Variants in ASB6 observed in about 807,000 individuals in gnomAD.
ASB6 encodes ankyrin repeat and SOCS box containing 6, also known as ankyrin repeat and SOCS box protein 6.
ASB6 carries 24 observed loss-of-function variants against 28.6 expected under a neutral mutation model. The ratio of observed to expected loss-of-function variants is 0.84; its 90% CI spans 0.61 to 1.18. The LOEUF (loss-of-function observed/expected upper bound fraction) is 1.18, where lower values mean the gene tolerates loss of function less well. ASB6 is among the 50% of genes most tolerant of loss of function. The probability of loss-of-function intolerance (pLI) is 0.00; values close to 1 mark genes in which losing one functional copy is unlikely to be tolerated. For synonymous variants in ASB6, 267 were observed against 243.4 expected (o/e 1.10, Z -0.90); for missense variants, 519 against 559.8 (o/e 0.93, Z 0.74).
intron 1 of ASB6, among the ~76,000 whole-genome samples, chr9:129,641,479 C>G (rs1431886329): frequency 6.6e-5 from 10 of 152,232 alleles, no homozygotes. Flanking sequence ...TCCTGCAGGT[C>G]CACGACAGAC....
At position 129,640,621 on chromosome 9, in the gene ASB6, G is replaced by A. The variant is rs1369611812; in HGVS notation, c.215C>T (p.Ala72Val). ...SPFYQEGVSN[A>V]LLKMAELGLT... ...CCCCAGCTCAGCCATCTTGAGCAGG[G>A]CGTTGCTCACGCCTTCCTGGTAAAA... Residue 72 changes from alanine (A) to valine (V), a missense_variant, in exon 2 of 6, where the codon GCC (alanine) becomes GTC (valine). By Grantham distance (64) the Ala-to-Val change is moderately conservative. Coordinates refer to ENST00000277458, the MANE Select transcript of ASB6 (RefSeq NM_017873.4). 1 of 1,613,926 alleles carries A rather than the reference G, an allele frequency of 6.2e-7. No homozygotes were observed. The highest frequency in any genetic ancestry group is 8.5e-7 in the Non-Finnish European group (1 of 1,180,010).
chr9:129,638,727 G>C, intron 4 of ASB6, 68 bp from the exon 5 acceptor site: 7 of 1,303,994 alleles, frequency 5.4e-6, no homozygotes, highest in Non-Finnish European at 6.5e-6. Flanking sequence ...ACCCAGAGGA[G>C]GTGGCAGAAA....
Position 129,634,791 on chromosome 9 carries a change from G to A in ASB6, c.*2999C>T, listed in dbSNP as rs1831424912. The A allele has an allele frequency of 3.9e-6, 1 of 256,052 alleles. No homozygotes were observed. The highest frequency in any genetic ancestry group is 7.6e-6 in the Non-Finnish European group (1 of 130,994). 15.9% of individuals were successfully genotyped at this position (256,052 alleles called of 1,614,324 possible). On this transcript the variant is annotated 3_prime_UTR_variant, in exon 6 of 6. Coordinates refer to ENST00000277458, the MANE Select transcript of ASB6 (RefSeq NM_017873.4). ...CACAGGCCTGCTGTGGACACTCTAG[G>A]TCTGGCCTTGTATTTTGTGGTCTCA...
At position 129,639,473 on chromosome 9, in the gene ASB6, C is replaced by T. The variant is rs138385332; in HGVS notation, c.331G>A (p.Val111Ile). 662 of 1,613,816 alleles carry T rather than the reference C, an allele frequency of 4.1e-4. 5 individuals are homozygous for T. Among genetic ancestry groups the T allele is most frequent in the South Asian group, 2.3e-3 (205 of 91,048 alleles). ...VTYYTALHIA[V>I]LRNQPDMVEL... ...ACCATGTCCGGCTGGTTCCGCAGGA[C>T]GGCGATGTGCAAGGCCGTGTAGTAG... is the stretch of plus-strand genomic sequence containing the variant. Residue 111 changes from valine (V) to isoleucine (I), a missense_variant, in exon 3 of 6, where the codon GTC (valine) becomes ATC (isoleucine). Transcript: ENST00000277458.
intron 1 of ASB6, 73 bp from the exon 2 acceptor site, chr9:129,640,795 G>A: frequency 1.3e-6 from 2 of 1,551,980 alleles, no homozygotes; most frequent in Non-Finnish European, 8.8e-7. Context: ...GGGTTGGTGG[G>A]CTTTAGTCCT....
Position 129,640,429 on chromosome 9 carries a change from G to T in ASB6, c.295+112C>A, listed in dbSNP as rs555349056. ...AGTTGCAGCCACCCAGGAAATAAAGGGGGGGAAGTCACTCCTCAGAGGATG... is the reference window on the plus strand; with the variant it reads ...AGTTGCAGCCACCCAGGAAATAAAGTGGGGGAAGTCACTCCTCAGAGGATG... On this transcript the variant is annotated intron_variant, in intron 2 of 5. Transcript: ENST00000277458. The T allele has an allele frequency of 4.7e-4, 654 of 1,391,992 alleles. 4 individuals are homozygous for T. In the South Asian group the frequency reaches 4.8e-3, roughly 10 times the overall value. The allele number at this position is 1,391,992 out of a possible 1,614,324, so 86.2% of individuals were successfully genotyped here.
chr9:129,635,329 G>C lies in ASB6; in HGVS notation c.*2461C>G, dbSNP rs777652117. The C allele has an allele frequency of 8.1e-6, 13 of 1,613,834 alleles. No individual in the cohort carries two copies. The highest frequency in any genetic ancestry group is 2.2e-5 in the East Asian group (1 of 44,872). Reference sequence around the variant, plus strand: ...AGGAGGGCGTGATTCTGGACGACGTGGACAGCAGCGTGTGCCGGGACCTTG... The same window carrying C: ...AGGAGGGCGTGATTCTGGACGACGTCGACAGCAGCGTGTGCCGGGACCTTG... On this transcript the variant is annotated 3_prime_UTR_variant, in exon 6 of 6. Transcript: ENST00000277458.
chr9:129,635,493 C>A lies in ASB6; in HGVS notation c.*2297G>T. On this transcript the variant is annotated 3_prime_UTR_variant, in exon 6 of 6. Transcript: ENST00000277458. ...GGGGCTGGCAGGAGAAACTGAGGAACCACAGTCCTGGTGGGGGGAGCTGGC... is the reference window on the plus strand; with the variant it reads ...GGGGCTGGCAGGAGAAACTGAGGAAACACAGTCCTGGTGGGGGGAGCTGGC... 6.3e-7 allele frequency: 1 copy of A among 1,594,092 alleles called. No homozygotes were observed. Among genetic ancestry groups the A allele is most frequent in the Non-Finnish European group, 8.6e-7 (1 of 1,167,842 alleles).
rs865843511 is a variant in ASB6 at position 129,638,404 on chromosome 9, T to C, written c.652A>G (p.Ile218Val). The change falls in exon 6 of 6, where the codon ATC becomes GTC. Residue 218 changes from isoleucine (I) to valine (V), a missense_variant. Physicochemically the swap from Ile to Val is conservative, Grantham distance 29 (BLOSUM62 3). Transcript: ENST00000277458. ...KDGDTVFTCI[I>V]FLLGETVGGD... ...CCCACGGTCTCACCAAGCAGGAAGA[T>C]GATGCAGGTGAACACTGTGTCCCCA... 1 of 1,613,750 alleles carries C rather than the reference T, an allele frequency of 6.2e-7. No individual in the cohort carries two copies. The highest frequency in any genetic ancestry group is 8.5e-7 in the Non-Finnish European group (1 of 1,179,934).
chr9:129,639,583 C>T lies in ASB6; in HGVS notation c.296-75G>A, dbSNP rs1831643872. On this transcript the variant is annotated intron_variant, in intron 2 of 5. Coordinates refer to ENST00000277458, the MANE Select transcript of ASB6 (RefSeq NM_017873.4). ...TGGGGCCCCCGGACCCAGAGCCCAG[C>T]CCCAAACTCCCACCTAAAGTGTCCA... 3 of 1,295,442 alleles carry T rather than the reference C, an allele frequency of 2.3e-6. No homozygotes were observed. The Admixed American group carries it at 6.2e-5, about 27-fold the overall frequency. 80.2% of individuals were successfully genotyped at this position (1,295,442 alleles called of 1,614,324 possible). A position where few individuals can be genotyped will look rare whatever the true frequency, so the allele number is the denominator to read the frequency against.
At position 129,637,311 on chromosome 9, in the gene ASB6, C is replaced by T. The variant is rs540091842; in HGVS notation, c.*479G>A. ...TAGTGTCTTCTCCCGCAGAGCCCAC[C>T]AGAAACACTTCTGTGAGTAACAGAA... On this transcript the variant is annotated 3_prime_UTR_variant, in exon 6 of 6. Transcript: ENST00000277458. 6.5e-6 allele frequency: 1 copy of T among 153,032 alleles called. No individual in the cohort carries two copies. Among genetic ancestry groups the T allele is most frequent in the East Asian group, 1.9e-4 (1 of 5,198 alleles). The allele number at this position is 153,032 out of a possible 1,614,324, so 9.5% of individuals were successfully genotyped here. A position where few individuals can be genotyped will look rare whatever the true frequency, so the allele number is the denominator to read the frequency against.
rs149176062 is a variant in ASB6, at chr9:129,638,411, G to A, written c.645C>T (p.Thr215=). Residue 215 remains threonine (T), a synonymous_variant, in exon 6 of 6, where the codon ACC becomes ACT. Coordinates refer to ENST00000277458, the MANE Select transcript of ASB6 (RefSeq NM_017873.4). The part of the protein sequence containing the change: ...ATTKDGDTVF[T]CIIFLLGETV... Reference sequence around the variant, plus strand: ...TCTCACCAAGCAGGAAGATGATGCAGGTGAACACTGTGTCCCCATCTTTGG... The same window carrying A: ...TCTCACCAAGCAGGAAGATGATGCAAGTGAACACTGTGTCCCCATCTTTGG... 3.4e-4 allele frequency: 556 copies of A among 1,613,586 alleles called. 2 individuals are homozygous for A. The African/African-American group carries it at 6.4e-3, about 19-fold the overall frequency.
chr9:129,637,881 A>C lies in ASB6; in HGVS notation c.1175T>G (p.Val392Gly). The stretch of plus-strand genomic sequence containing the variant: ...AGGCAGGGCTTTGACCTTCACATCC[A>C]CAGGCCACGGCTGAAGGTAGAGCCG... ...AIRLYLQPWPVDVKVKALPLP... is the reference protein window; with the variant it reads ...AIRLYLQPWPGDVKVKALPLP... Residue 392 changes from valine (V) to glycine (G), a missense_variant, in exon 6 of 6, where the codon GTG (valine) becomes GGG (glycine). By Grantham distance (109) the Val-to-Gly change is moderately radical. Transcript: ENST00000277458. 6.4e-7 allele frequency: 1 copy of C among 1,558,150 alleles called. No homozygotes were observed. The highest frequency in any genetic ancestry group is 8.7e-7 in the Non-Finnish European group (1 of 1,152,150).
chr9:129,637,590 C>A lies in ASB6; in HGVS notation c.*200G>T. The A allele has an allele frequency of 2.3e-6, 1 of 441,160 alleles. No homozygotes were observed. The highest frequency in any genetic ancestry group is 3.9e-6 in the Non-Finnish European group (1 of 258,772). The allele number at this position is 441,160 out of a possible 1,614,324, so 27.3% of individuals were successfully genotyped here. A position where few individuals can be genotyped will look rare whatever the true frequency, so the allele number is the denominator to read the frequency against. On this transcript the variant is annotated 3_prime_UTR_variant, in exon 6 of 6. Coordinates refer to ENST00000277458, the MANE Select transcript of ASB6 (RefSeq NM_017873.4). Reference sequence around the variant, plus strand: ...TGGAGTGCCGCTGGAGGGAAGGGGGCAGTCTCTCTGGAAGAACCAGAGCTG... The same window carrying A: ...TGGAGTGCCGCTGGAGGGAAGGGGGAAGTCTCTCTGGAAGAACCAGAGCTG...
chr9:129,640,975 G>C (rs1458425915), intron 1 of ASB6: 1 of 456,944 alleles, frequency 2.2e-6, no homozygotes, highest in South Asian at 2.6e-5. Context: ...CCCAGAGTCC[G>C]GTCGCAGACT....
In ASB6 at chr9:129,640,572, G is replaced by A. The variant is rs767041966; in HGVS notation, c.264C>T (p.Leu88=). ...ELGLTRAADV[L]LRHGANLNFE... is the part of the protein sequence containing the mutation. ...AGTTGAGATTGGCCCCATGCCGCAAGAGAACGTCGGCCGCCCGCGTCAGCC... is the reference window on the plus strand; with the variant it reads ...AGTTGAGATTGGCCCCATGCCGCAAAAGAACGTCGGCCGCCCGCGTCAGCC... The change falls in exon 2 of 6, where the codon CTC becomes CTT. Residue 88 remains leucine, a synonymous_variant. Transcript: ENST00000277458. The A allele has an allele frequency of 1.2e-6, 2 of 1,612,070 alleles. No homozygotes were observed. The highest frequency in any genetic ancestry group is 1.7e-5 in the Admixed American group (1 of 59,656).
In ASB6 at chr9:129,636,921, T is replaced by C. The variant is rs1045647; in HGVS notation, c.*869A>G. ...GGCCAAGAAAGTCAGTTTAATCTTA[T>C]AATATAAATATATCATTTAGTCACC... On this transcript the variant is annotated 3_prime_UTR_variant, in exon 6 of 6. Coordinates refer to ENST00000277458, the MANE Select transcript of ASB6 (RefSeq NM_017873.4). The C allele has an allele frequency of 0.51, 77,758 of 152,012 alleles. 20,647 individuals carry two copies. Among genetic ancestry groups the C allele is most frequent in the Non-Finnish European group, 0.6 (40,991 of 67,958 alleles). The allele number at this position is 152,012 out of a possible 1,614,324, so 9.4% of individuals were successfully genotyped here.
At chr9:129,639,893 C>G (rs1156342254) in intron 2 of ASB6, among the ~76,000 whole-genome samples, 4 of 152,246 alleles carry the variant, frequency 2.6e-5, no homozygotes, top group African/African-American at 9.6e-5. Context: ...ACCGGCCCTC[C>G]CGTCTCAGCT....
chr9:129,637,648 G>T lies in ASB6; in HGVS notation c.*142C>A. The T allele has an allele frequency of 1.2e-6, 1 of 827,930 alleles. No homozygotes were observed. The highest frequency in any genetic ancestry group is 1.8e-6 in the Non-Finnish European group (1 of 571,308). 51.3% of individuals were successfully genotyped at this position (827,930 alleles called of 1,614,324 possible). ...CACCACTGGAGTGATCACAGCTTCA[G>T]GCTCTACCTGGCTGGCTTTTCTCAT... On this transcript the variant is annotated 3_prime_UTR_variant, in exon 6 of 6. Coordinates refer to ENST00000277458, the MANE Select transcript of ASB6 (RefSeq NM_017873.4).
Sources: gnomAD v4.1 joint callset for allele counts (sites outside exome capture counted in the v4.1 genomes callset) on GRCh38, gnomAD v4.1.1 for gene constraint, MANE v1.5 for transcripts, NCBI Gene and HGNC (gene_info 2026-07-23, HGNC 2026-07-21) for gene names.